RYR1: variants seen among roughly 807,000 people sequenced by gnomAD.
RYR1 encodes ryanodine receptor 1, also known as central core disease of muscle.
RYR1 carries 342 observed loss-of-function variants against 583.5 expected under a neutral mutation model. The observed-to-expected ratio is 0.59, with a 90% CI of 0.54 to 0.64. The LOEUF (loss-of-function observed/expected upper bound fraction) is 0.64, where lower values mean the gene tolerates loss of function less well. Among genes scored for constraint, RYR1 ranks in the 30% least tolerant of loss-of-function variants. RYR1 has a pLI of 0.00. For synonymous variants in RYR1, 2,791 were observed against 2,822.5 expected, an observed-to-expected ratio of 0.99 and a Z score of 0.35; for missense variants, 6,032 against 6,917.2, an observed-to-expected ratio of 0.87 and a Z score of 4.54.
intron 42 of RYR1, among the ~76,000 whole-genome samples, chr19:38,497,637 T>C (rs1233808976): frequency 6.6e-6 from 1 of 152,164 alleles, no homozygotes; most frequent in East Asian, 1.9e-4. Context: ...AAATATGTAG[T>C]GTTAGCTTAC....
At chr19:38,472,835 T>TAAAAA (rs34985897) in intron 27 of RYR1, among the ~76,000 whole-genome samples, 1 of 107,298 alleles carries the variant, frequency 9.3e-6, no homozygotes, top group Non-Finnish European at 1.9e-5. Context: ...GACTCTTGTC[T>TAAAAA]AAAAAAAAAA....
intron 17 of RYR1, 140 bp from the exon 18 acceptor site, chr19:38,457,911 T>C (rs1967502422): frequency 1.1e-6 from 1 of 908,826 alleles, no homozygotes; most frequent in African/African-American, 1.6e-5. Flanking sequence ...GTCTTGATTC[T>C]TCCTCCATGT....
chr19:38,504,075 T>C, intron 49 of RYR1, 145 bp from the exon 50 acceptor site: 2 of 886,010 alleles, frequency 2.3e-6, no homozygotes, highest in South Asian at 3.1e-5. Flanking sequence ...TACCATTTCT[T>C]CCCTTATTAG....
intron 57 of RYR1, 32 bp downstream of exon 57, chr19:38,506,984 G>T: frequency 6.2e-7 from 1 of 1,612,004 alleles, no homozygotes; most frequent in South Asian, 1.1e-5. Context: ...CGGAAGAGCA[G>T]CAGGCAGAAC....
At chr19:38,532,440 T>G (rs1276325928) in intron 76 of RYR1, 50 bp from the exon 77 acceptor site, 3 of 1,594,394 alleles carry the variant, frequency 1.9e-6, no homozygotes, top group East Asian at 2.2e-5. Flanking sequence ...TCTTATAAGA[T>G]GGGGGTCCTC....
At chr19:38,546,203 G>A (rs1407518696) in intron 87 of RYR1, among the ~76,000 whole-genome samples, 2 of 151,950 alleles carry the variant, frequency 1.3e-5, no homozygotes, top group Non-Finnish European at 1.5e-5. Context: ...CTCCTTGTCT[G>A]CCAGCCTTCC....
chr19:38,529,162 G>T (rs1255494852), intron 76 of RYR1, 105 bp downstream of exon 76: 2 of 1,135,150 alleles, frequency 1.8e-6, no homozygotes, highest in Non-Finnish European at 2.6e-6. Flanking sequence ...GGTCCTGGGG[G>T]AGCCCAAGAC....
chr19:38,585,406 G>A (rs1284062432), intron 102 of RYR1, among the ~76,000 whole-genome samples: 58 of 146,248 alleles, frequency 4.0e-4, no homozygotes, highest in African/African-American at 1.4e-3. Flanking sequence ...ATATATATAT[G>A]TGTTTATATA....
In RYR1 at chr19:38,506,366, C is replaced by T. The variant is rs956373707; in HGVS notation, c.8605C>T (p.Arg2869Trp). ...PPDLSAVTLSRELQAMAEQLA... is the reference protein window; with the variant it reads ...PPDLSAVTLSWELQAMAEQLA... ...CGACCTTAGTGCTGTTACCCTGTCC[C>T]GGGAGCTGCAGGTGAGAGCCCTGAT... The change falls in exon 55 of 106, where the codon CGG becomes TGG. Residue 2869 changes from arginine to tryptophan, a missense_variant. Physicochemically the swap from Arg to Trp is moderately radical, Grantham distance 101. Around this residue, in one of 11 missense-constraint regions of RYR1, gnomAD observed 1,493 missense variants for 1,715.5 expected, o/e 0.87. Coordinates refer to ENST00000359596, the MANE Select transcript of RYR1 (RefSeq NM_000540.3). 5.6e-6 allele frequency: 9 copies of T among 1,613,452 alleles called. No homozygotes were observed. The highest frequency in any genetic ancestry group is 5.3e-5 in the African/African-American group (4 of 74,774).
chr19:38,561,522 C>T lies in RYR1; in HGVS notation c.12624+68C>T, dbSNP rs1039451185. On this transcript the variant is annotated intron_variant, in intron 90 of 105. Transcript: ENST00000359596. The surrounding 1 kb of genome is among the most constrained non-coding windows in gnomAD (Gnocchi z 4.8). ...CGGGCATGCGGGTGCTCACTTCCTG[C>T]ACCCTCAGACCCCACGGGGGCTGTG... The T allele has an allele frequency of 1.4e-6, 2 of 1,458,346 alleles. No homozygotes were observed. The highest frequency in any genetic ancestry group is 1.4e-5 in the African/African-American group (1 of 72,268). 90.3% of individuals were successfully genotyped at this position (1,458,346 alleles called of 1,614,324 possible). A position where few individuals can be genotyped will look rare whatever the true frequency, so the allele number is the denominator to read the frequency against.
chr19:38,474,564 C>CTTTTTT lies in RYR1; in HGVS notation c.4161-731_4161-726dup, dbSNP rs970000046. On this transcript the variant is annotated intron_variant, in intron 28 of 105. Coordinates refer to ENST00000359596, the MANE Select transcript of RYR1 (RefSeq NM_000540.3). Reference sequence around the variant, plus strand: ...AGACATGAGCTACCACGCCCGGCTCCTTTTTTTTTTTTTTTTTTTTTTTTT... The same window carrying CTTTTTT: ...AGACATGAGCTACCACGCCCGGCTCCTTTTTTTTTTTTTTTTTTTTTTTTTTTTTTT... 7.9e-5 allele frequency among the ~76,000 whole-genome samples: 7 copies of CTTTTTT among 88,226 alleles called. 1 individual carries two copies. Among genetic ancestry groups the CTTTTTT allele is most frequent in the African/African-American group, 2.4e-4 (5 of 20,450 alleles). The allele number at this position is 88,226 out of a possible 152,430, so 57.9% of individuals were successfully genotyped here.
Position 38,460,364 on chromosome 19 carries a change from T to G in RYR1, c.2361-11T>G. On this transcript the variant is annotated splice_polypyrimidine_tract_variant and intron_variant, in intron 19 of 105. Transcript: ENST00000359596. ...TCCCCTCAATGATCCCCATTGTCCT[T>G]CCTTACCCAGGGTGCGGTTCCTCCT... The G allele has an allele frequency of 6.2e-7, 1 of 1,613,554 alleles. No homozygotes were observed. The highest frequency in any genetic ancestry group is 8.5e-7 in the Non-Finnish European group (1 of 1,179,532).
intron 89 of RYR1, among the ~76,000 whole-genome samples, chr19:38,556,412 G>GT (rs1427745877): frequency 6.6e-6 from 1 of 151,746 alleles, no homozygotes; most frequent in East Asian, 1.9e-4. Context: ...AACCTTGGAG[G>GT]TTAATGCTGC....
In RYR1 at chr19:38,448,530, G is replaced by A. The variant is rs1057523425; in HGVS notation, c.957+19G>A. The A allele has an allele frequency of 1.2e-6, 2 of 1,612,072 alleles. No homozygotes were observed. Among genetic ancestry groups the A allele is most frequent in the Admixed American group, 1.7e-5 (1 of 59,938 alleles). On this transcript the variant is annotated intron_variant, in intron 10 of 105. Transcript: ENST00000359596. ...CTCCAAGGTCAGTGGGGTTTGTGGC[G>A]CCCTCCCTCACCTGAAGCCCCCAGT...
chr19:38,454,010 C>T (rs1236674462), intron 13 of RYR1, among the ~76,000 whole-genome samples: 1 of 152,092 alleles, frequency 6.6e-6, no homozygotes, highest in Non-Finnish European at 1.5e-5. Context: ...TGATCTAGGC[C>T]CCAGGATGCA....
intron 90 of RYR1, among the ~76,000 whole-genome samples, chr19:38,563,346 C>A (rs1973241787): frequency 6.6e-6 from 1 of 152,230 alleles, no homozygotes; most frequent in African/African-American, 2.4e-5. Flanking sequence ...GCTCACTCAA[C>A]CTCCACCTCC....
chr19:38,574,389 A>G (rs972052660), intron 96 of RYR1, among the ~76,000 whole-genome samples: 2 of 151,692 alleles, frequency 1.3e-5, no homozygotes, highest in East Asian at 3.9e-4. Context: ...AGGCTGAGGC[A>G]GGAGGATCCC....
intron 70 of RYR1, among the ~76,000 whole-genome samples, chr19:38,524,749 C>T (rs1300127454): frequency 2.0e-5 from 3 of 152,188 alleles, no homozygotes; most frequent in Non-Finnish European, 4.4e-5. Context: ...CTTTTTCTTG[C>T]AACTTCTCTT....
chr19:38,498,074 T>G (rs1047304863), intron 42 of RYR1, among the ~76,000 whole-genome samples: 2 of 152,066 alleles, frequency 1.3e-5, no homozygotes, highest in Non-Finnish European at 2.9e-5. Context: ...AAGAGCATTC[T>G]AGGCAGCGGG....
Sources: gnomAD v4.1 joint callset for allele counts (sites outside exome capture counted in the v4.1 genomes callset) on GRCh38, gnomAD v4.1.1 for gene constraint, gnomAD v4.1.1 regional missense constraint, Gnocchi (gnomAD v3.1) non-coding constraint, MANE v1.5 for transcripts, NCBI Gene and HGNC (gene_info 2026-07-23, HGNC 2026-07-21) for gene names.